CNKSR2: variants seen among roughly 807,000 people sequenced by gnomAD.
The protein encoded by CNKSR2 is CNK homolog protein 2.
In CNKSR2, 14 loss-of-function variants were observed where a neutral mutation model predicts 84.4. That is an observed-to-expected ratio of 0.17 (90% CI 0.11 to 0.26). The LOEUF is 0.26. Among genes scored for constraint, CNKSR2 ranks in the 10% least tolerant of loss-of-function variants. The pLI is 1.00. For synonymous variants in CNKSR2, 275 were observed against 277.9 expected, an observed-to-expected ratio of 0.99 and a Z score of 0.10; for missense variants, 485 against 771.2, an observed-to-expected ratio of 0.63 and a Z score of 4.40.
intron 11 of CNKSR2, among the ~76,000 whole-genome samples, chrX:21,547,524 A>G (rs1263678335): frequency 9.0e-6 from 1 of 111,472 alleles, no homozygotes; most frequent in Non-Finnish European, 1.9e-5. Context: ...GATCAATGAG[A>G]CAGAAAATTA....
At chrX:21,562,850 G>A (rs1308613630) in intron 12 of CNKSR2, among the ~76,000 whole-genome samples, 1 of 111,043 alleles carries the variant, frequency 9.0e-6, no homozygotes, top group Admixed American at 9.6e-5. Flanking sequence ...TTGGGCTTTG[G>A]CAAAATCCCC....
At chrX:21,539,902 C>A (rs1164787019) in intron 11 of CNKSR2, among the ~76,000 whole-genome samples, 1 of 111,951 alleles carries the variant, frequency 8.9e-6, no homozygotes, top group Non-Finnish European at 1.9e-5. Context: ...AAGTAAATAA[C>A]AGTTTAATGT....
intron 4 of CNKSR2, among the ~76,000 whole-genome samples, chrX:21,453,881 C>A (rs1296604652): frequency 9.0e-6 from 1 of 110,862 alleles, no homozygotes; most frequent in East Asian, 2.9e-4. Flanking sequence ...CTTTCAACAA[C>A]CAGATCTCGT....
chrX:21,621,485 C>T (rs1221822724), intron 20 of CNKSR2, among the ~76,000 whole-genome samples: 4 of 111,437 alleles, frequency 3.6e-5, no homozygotes, highest in African/African-American at 1.3e-4. Context: ...TAATAATCCT[C>T]CAAAATTCTA....
At chrX:21,406,932 G>T (rs985901585) in intron 1 of CNKSR2, among the ~76,000 whole-genome samples, 6 of 111,885 alleles carry the variant, frequency 5.4e-5, no homozygotes, top group Non-Finnish European at 1.1e-4. Flanking sequence ...AACGAAAGTT[G>T]TTCTTTATGC....
chrX:21,465,082 C>A (rs1278009813), intron 4 of CNKSR2, among the ~76,000 whole-genome samples: 2 of 112,032 alleles, frequency 1.8e-5, no homozygotes, highest in Non-Finnish European at 3.8e-5. Flanking sequence ...CCTTCAAATT[C>A]CAGATTTGAA....
intron 3 of CNKSR2, among the ~76,000 whole-genome samples, chrX:21,437,085 A>T (rs1472739028): frequency 9.0e-6 from 1 of 111,669 alleles, no homozygotes; most frequent in African/African-American, 3.3e-5. Context: ...AGCTTGTCCT[A>T]CTTAAAATAT....
chrX:21,445,413 C>T (rs142580946), intron 4 of CNKSR2, among the ~76,000 whole-genome samples: 3,322 of 110,620 alleles, frequency 0.03, 126 homozygotes, highest in African/African-American at 0.1. Flanking sequence ...TTAGCATATC[C>T]GTCATCTCAA....
rs779387478 is a variant in CNKSR2 at position 21,561,509 on chromosome X, T to C, written c.1342T>C (p.Trp448Arg). The change falls in exon 12 of 22, where the codon TGG becomes CGG. Residue 448 changes from tryptophan (W) to arginine (R), a missense_variant. By Grantham distance (101) the Trp-to-Arg change is moderately radical (BLOSUM62 -3). Coordinates refer to ENST00000379510, the MANE Select transcript of CNKSR2 (RefSeq NM_014927.5). Reference protein sequence around the residue: ...RPISMPVEYNWVGDYEDPNKM... With the variant: ...RPISMPVEYNRVGDYEDPNKM... ...TATATCTATGCCAGTGGAATATAAT[T>C]GGGTGGGGGACTATGAAGATCCAAA... The C allele has an allele frequency of 3.3e-6, 4 of 1,205,671 alleles. No individual in the cohort carries two copies. In the Admixed American group the frequency reaches 6.6e-5, roughly 20 times the overall value.
chrX:21,527,991 GT>G (rs1354817516), intron 10 of CNKSR2, among the ~76,000 whole-genome samples: 3 of 110,297 alleles, frequency 2.7e-5, no homozygotes, highest in African/African-American at 9.8e-5. Context: ...TGGCAATATG[GT>G]TTATCTGCAA....
intron 1 of CNKSR2, among the ~76,000 whole-genome samples, chrX:21,391,752 C>G (rs1295566365): frequency 8.9e-6 from 1 of 112,410 alleles, no homozygotes; most frequent in Non-Finnish European, 1.9e-5. Context: ...ATCTTGAATT[C>G]CTTCCCAGAA....
intron 11 of CNKSR2, among the ~76,000 whole-genome samples, chrX:21,558,120 A>G (rs1398361879): frequency 9.0e-6 from 1 of 111,557 alleles, no homozygotes; most frequent in Non-Finnish European, 1.9e-5. Flanking sequence ...GTCCTGTGAA[A>G]TTAAAATGCT....
intron 1 of CNKSR2, among the ~76,000 whole-genome samples, chrX:21,401,749 G>T (rs922911961): frequency 7.2e-5 from 8 of 111,576 alleles, no homozygotes; most frequent in African/African-American, 2.6e-4. Flanking sequence ...AAGGAACAAA[G>T]AAACAGAAAT....
At chrX:21,389,315 T>C (rs1159807310) in intron 1 of CNKSR2, among the ~76,000 whole-genome samples, 1 of 107,925 alleles carries the variant, frequency 9.3e-6, no homozygotes, top group Non-Finnish European at 1.9e-5. Flanking sequence ...TTATTAGCAA[T>C]ATAACAAGGT....
rs557557283 is a variant in CNKSR2 at position 21,424,308 on chromosome X, G to A, written c.65-2189G>A. On this transcript the variant is annotated intron_variant, in intron 1 of 21. Transcript: ENST00000379510. ...CTTCTCTTTGCCTTATTCTAATACTGTTCTGGCTAAAATCATTGATAATCT... is the reference window on the plus strand; with the variant it reads ...CTTCTCTTTGCCTTATTCTAATACTATTCTGGCTAAAATCATTGATAATCT... The A allele has an allele frequency of 1.1e-4, 12 of 111,758 alleles. No homozygotes were observed. In the Middle Eastern group the frequency reaches 0.014, roughly 128 times the overall value. 9.2% of individuals were successfully genotyped at this position (111,758 alleles called of 1,213,427 possible).
At chrX:21,503,507 G>A (rs947015968) in intron 8 of CNKSR2, 1 of 258,111 alleles carries the variant, frequency 3.9e-6, no homozygotes, top group Non-Finnish European at 6.9e-6. Context: ...TTGAGACTCA[G>A]AATAATTATT....
At chrX:21,461,260 G>C (rs1448629089) in intron 4 of CNKSR2, among the ~76,000 whole-genome samples, 1 of 112,143 alleles carries the variant, frequency 8.9e-6, no homozygotes. Context: ...TTTTAGTTTT[G>C]CTTTACATTT....
Position 21,527,136 on chromosome X carries a change from A to G in CNKSR2, c.1091+136A>G. ...AGGAATTCTGAACACATTCTGCAAA[A>G]TCATTCCCATTATAGAGCATGCATG... On this transcript the variant is annotated intron_variant, in intron 10 of 21. Coordinates refer to ENST00000379510, the MANE Select transcript of CNKSR2 (RefSeq NM_014927.5). The G allele has an allele frequency of 6.5e-6, 3 of 459,786 alleles. No individual in the cohort carries two copies. In the Admixed American group the frequency reaches 1.0e-4, roughly 16 times the overall value. 37.9% of individuals were successfully genotyped at this position (459,786 alleles called of 1,213,427 possible). A position where few individuals can be genotyped will look rare whatever the true frequency, so the allele number is the denominator to read the frequency against.
intron 11 of CNKSR2, among the ~76,000 whole-genome samples, chrX:21,558,934 T>C (rs898488755): frequency 9.0e-6 from 1 of 111,509 alleles, no homozygotes; most frequent in Non-Finnish European, 1.9e-5. Context: ...ATTGCTTCAG[T>C]TTCAGTGCCC....
Sources: gnomAD v4.1 joint callset for allele counts (sites outside exome capture counted in the v4.1 genomes callset) on GRCh38, gnomAD v4.1.1 for gene constraint, MANE v1.5 for transcripts, NCBI Gene and HGNC (gene_info 2026-07-23, HGNC 2026-07-21) for gene names.